The following ZNF546 variants were observed in gnomAD, a reference collection of about 807,000 sequenced individuals.
ZNF546 encodes CTC-471F3.6.
In ZNF546, 60 loss-of-function variants were observed where a neutral mutation model predicts 76.2. That is an observed-to-expected ratio of 0.79 (90% CI 0.64 to 0.98). The LOEUF is 0.98. Ranked by LOEUF, ZNF546 falls within the 50% of genes least tolerant of loss-of-function variation. The pLI, the probability that ZNF546 is intolerant of heterozygous loss-of-function variation, is 0.00. For synonymous variants in ZNF546, 277 were observed against 328.1 expected (o/e 0.84, Z 1.68); for missense variants, 936 against 1,035.6 (o/e 0.90, Z 1.32).
At position 40,004,882 on chromosome 19, in the gene ZNF546, T is replaced by C. The variant is rs142782167; in HGVS notation, c.85-1214T>C. On this transcript the variant is annotated intron_variant, in intron 3 of 6. Transcript: ENST00000347077. The stretch of plus-strand genomic sequence containing the variant: ...TCTACTTAATATTCTGTTTCATAGA[T>C]GATCTGTAACTTATCTAACCAGTCA... Among the ~76,000 whole-genome samples the C allele has an allele frequency of 7.3e-3, 1,110 of 152,286 alleles. 15 individuals are homozygous for C. Among genetic ancestry groups the C allele is most frequent in the African/African-American group, 0.025 (1,051 of 41,572 alleles).
intron 6 of ZNF546, among the ~76,000 whole-genome samples, chr19:40,010,424 G>GA (rs1971657244): frequency 1.3e-5 from 2 of 151,210 alleles, no homozygotes; most frequent in East Asian, 3.9e-4. Context: ...AAAAGAAGAA[G>GA]AAAGTGGTTG....
intron 3 of ZNF546, among the ~76,000 whole-genome samples, chr19:40,005,189 T>C (rs1036123444): frequency 5.3e-5 from 8 of 151,890 alleles, no homozygotes; most frequent in Non-Finnish European, 1.2e-4. Context: ...TAGCTAATTT[T>C]TTTTGTATTT....
rs1971810293 is a variant in ZNF546, at chr19:40,018,530, A to G, written c.*2749A>G. 6.6e-6 allele frequency: 1 copy of G among 152,232 alleles called. No individual in the cohort carries two copies. Among genetic ancestry groups the G allele is most frequent in the Non-Finnish European group, 1.5e-5 (1 of 68,046 alleles). 9.4% of individuals were successfully genotyped at this position (152,232 alleles called of 1,614,324 possible). On this transcript the variant is annotated 3_prime_UTR_variant, in exon 7 of 7. Transcript: ENST00000347077. ...CCAATATATCCCATTCTGCATGTTC[A>G]TCTTACAATGTGATACCAACACTCC...
chr19:39,998,378 C>G lies in ZNF546; in HGVS notation c.52C>G (p.Gln18Glu). 2 of 1,614,134 alleles carry G rather than the reference C, an allele frequency of 1.2e-6. No homozygotes were observed. Among genetic ancestry groups the G allele is most frequent in the African/African-American group, 1.3e-5 (1 of 75,038 alleles). The change falls in exon 3 of 7, where the codon CAA (glutamine) becomes GAA (glutamate). Residue 18 changes from glutamine to glutamate, a missense_variant. Physicochemically the swap from Gln to Glu is conservative, Grantham distance 29. Transcript: ENST00000347077. ...GCCTCCAAATGACTTTCTCATTTTTCAAATCATTCCTCTGCACTCACTTTC... is the reference window on the plus strand; with the variant it reads ...GCCTCCAAATGACTTTCTCATTTTTGAAATCATTCCTCTGCACTCACTTTC... Reference protein sequence around the residue: ...HGPPNDFLIFQIIPLHSLSIM... With the variant: ...HGPPNDFLIFEIIPLHSLSIM...
chr19:40,003,605 A>G (rs1971558137), intron 3 of ZNF546, among the ~76,000 whole-genome samples: 1 of 152,226 alleles, frequency 6.6e-6, no homozygotes, highest in South Asian at 2.1e-4. Context: ...TGTGACCAGC[A>G]TTCATATGTA....
intron 3 of ZNF546, among the ~76,000 whole-genome samples, chr19:40,005,795 G>A (rs1164040761): frequency 6.6e-6 from 1 of 152,040 alleles, no homozygotes; most frequent in South Asian, 2.1e-4. Context: ...ATTATTTTAA[G>A]CCCTCATTAC....
intron 3 of ZNF546, among the ~76,000 whole-genome samples, chr19:40,002,621 G>A (rs927095848): frequency 6.6e-6 from 1 of 151,924 alleles, no homozygotes; most frequent in African/African-American, 2.4e-5. Context: ...TTTGTTCTAT[G>A]TTTTCCAGTG....
At chr19:40,008,284 A>C (rs1375974240) in intron 5 of ZNF546, among the ~76,000 whole-genome samples, 186 bp from the exon 6 acceptor site, 1 of 152,120 alleles carries the variant, frequency 6.6e-6, no homozygotes, top group Admixed American at 6.5e-5. Context: ...TAGTCCTGTA[A>C]TTGTGAGTCC....
In ZNF546 at chr19:40,014,497, T is replaced by TG; in HGVS notation, c.1228dup (p.Glu410GlyfsTer7). 5.0e-6 allele frequency: 8 copies of TG among 1,613,814 alleles called. No individual in the cohort carries two copies. The highest frequency in any genetic ancestry group is 6.8e-6 in the Non-Finnish European group (8 of 1,179,950). On this transcript the variant is annotated frameshift_variant, in exon 7 of 7. Transcript: ENST00000347077. LOFTEE classifies it high-confidence loss of function. ...TTCAACATCAGAAAATTCATACTGG[T>TG]GAAAAACCCTACGAATGTAAAGAAT...
intron 3 of ZNF546, among the ~76,000 whole-genome samples, chr19:40,005,316 G>A (rs967423668): frequency 2.0e-5 from 3 of 150,722 alleles, no homozygotes; most frequent in Admixed American, 6.6e-5. Context: ...CACCGCGCCC[G>A]GCCTAACCTG....
intron 6 of ZNF546, among the ~76,000 whole-genome samples, chr19:40,009,816 T>C (rs1223144200): frequency 6.6e-6 from 1 of 151,850 alleles, no homozygotes; most frequent in Non-Finnish European, 1.5e-5. Context: ...CAAAATTATT[T>C]TGAGATTCAT....
At position 40,014,571 on chromosome 19, in the gene ZNF546, T is replaced by G. The variant is rs1254371712; in HGVS notation, c.1301T>G (p.Ile434Ser). Residue 434 changes from isoleucine to serine, a missense_variant, in exon 7 of 7, where the codon ATT becomes AGT. Coordinates refer to ENST00000347077, the MANE Select transcript of ZNF546 (RefSeq NM_178544.5). Reference sequence around the variant, plus strand: ...GCAGAACTTGCTCGACATCGTAGAATTCATACTGGTGAGAAACCCTATGAA... The same window carrying G: ...GCAGAACTTGCTCGACATCGTAGAAGTCATACTGGTGAGAAACCCTATGAA... ...FHAELARHRRIHTGEKPYECR... is the reference protein window; with the variant it reads ...FHAELARHRRSHTGEKPYECR... 1 of 1,614,158 alleles carries G rather than the reference T, an allele frequency of 6.2e-7. No individual in the cohort carries two copies. The highest frequency in any genetic ancestry group is 2.2e-5 in the East Asian group (1 of 44,872).
rs758250046 is a variant in ZNF546, at chr19:39,998,293, A to G, written c.-34A>G. On this transcript the variant is annotated 5_prime_UTR_variant, in exon 3 of 7. Transcript: ENST00000347077. ...CTTTTCCTGAATTGTCCAGTGACCTATCCCAGGCCTTCCTTTCCAGTGAAC... is the reference window on the plus strand; with the variant it reads ...CTTTTCCTGAATTGTCCAGTGACCTGTCCCAGGCCTTCCTTTCCAGTGAAC... 8.9e-6 allele frequency: 14 copies of G among 1,567,068 alleles called. No homozygotes were observed. Among genetic ancestry groups the G allele is most frequent in the Admixed American group, 5.0e-5 (3 of 59,896 alleles).
intron 6 of ZNF546, among the ~76,000 whole-genome samples, chr19:40,010,875 GTTTCA>G (rs1971662178): frequency 1.3e-5 from 2 of 151,978 alleles, no homozygotes; most frequent in Admixed American, 6.6e-5. Context: ...TAGAGATGGG[GTTTCA>G]CCACATTGGC....
At position 40,013,817 on chromosome 19, in the gene ZNF546, G is replaced by A; in HGVS notation, c.547G>A (p.Glu183Lys). 1 of 1,613,610 alleles carries A rather than the reference G, an allele frequency of 6.2e-7. No homozygotes were observed. Among genetic ancestry groups the A allele is most frequent in the Non-Finnish European group, 8.5e-7 (1 of 1,179,830 alleles). Residue 183 changes from glutamate to lysine, a missense_variant, in exon 7 of 7, where the codon GAG (glutamate) becomes AAG (lysine). By Grantham distance (56) the Glu-to-Lys change is moderately conservative (BLOSUM62 1). Transcript: ENST00000347077. Reference protein sequence around the residue: ...RNGLQCKHEFERQERHQMGCV... With the variant: ...RNGLQCKHEFKRQERHQMGCV... ...TGGTTTGCAGTGTAAACATGAATTTGAGAGACAAGAGAGACATCAGATGGG... is the reference window on the plus strand; with the variant it reads ...TGGTTTGCAGTGTAAACATGAATTTAAGAGACAAGAGAGACATCAGATGGG...
At chr19:39,998,470 T>A in intron 3 of ZNF546, 60 bp downstream of exon 3, 1 of 1,374,914 alleles carries the variant, frequency 7.3e-7, no homozygotes, top group Non-Finnish European at 1.0e-6. Flanking sequence ...AGATTAATGT[T>A]TAGGTAGAAT....
chr19:40,003,272 C>T lies in ZNF546; in HGVS notation c.85-2824C>T, dbSNP rs533132845. ...CAGGATGATCTTGATCTACTGACCTCGTGATCTGCCTGCCTCGGCCTCCCA... is the reference window on the plus strand; with the variant it reads ...CAGGATGATCTTGATCTACTGACCTTGTGATCTGCCTGCCTCGGCCTCCCA... On this transcript the variant is annotated intron_variant, in intron 3 of 6. Transcript: ENST00000347077. 1.4e-3 allele frequency among the ~76,000 whole-genome samples: 206 copies of T among 146,442 alleles called. No individual in the cohort carries two copies. The Middle Eastern group carries it at 0.017, about 12-fold the overall frequency.
At position 40,015,286 on chromosome 19, in the gene ZNF546, G is replaced by C; in HGVS notation, c.2016G>C (p.Lys672Asn). The C allele has an allele frequency of 1.2e-6, 2 of 1,613,508 alleles. No homozygotes were observed. Among genetic ancestry groups the C allele is most frequent in the Non-Finnish European group, 1.7e-6 (2 of 1,179,868 alleles). ...CCTACGAATGTACGGAATGTGGGAAGACGTTTAGTCGGCACTATCATCTTA... is the reference window on the plus strand; with the variant it reads ...CCTACGAATGTACGGAATGTGGGAACACGTTTAGTCGGCACTATCATCTTA... The part of the protein sequence containing the change: ...EKPYECTECG[K>N]TFSRHYHLTQ... The change falls in exon 7 of 7, where the codon AAG becomes AAC. Residue 672 changes from lysine to asparagine, a missense_variant. Transcript: ENST00000347077.
Position 40,014,878 on chromosome 19 carries a change from T to G in ZNF546, c.1608T>G (p.Leu536=). 1 of 1,613,532 alleles carries G rather than the reference T, an allele frequency of 6.2e-7. No individual in the cohort carries two copies. The highest frequency in any genetic ancestry group is 8.5e-7 in the Non-Finnish European group (1 of 1,179,796). ...ACGAATGTGGAAAAGCCTTTCGTCT[T>G]CAAGGAGAACTTACCCGACATCACA... ...ICNECGKAFR[L]QGELTRHHRI... is the part of the protein sequence containing the mutation. Residue 536 remains leucine, a synonymous_variant, in exon 7 of 7, where the codon CTT becomes CTG. Transcript: ENST00000347077.
Sources: allele counts gnomAD v4.1 joint callset (sites outside exome capture counted in the v4.1 genomes callset), GRCh38; gene constraint gnomAD v4.1.1; transcripts MANE v1.5; gene names NCBI Gene and HGNC (gene_info 2026-07-23, HGNC 2026-07-21).